The following WDR45B variants were observed in gnomAD, a reference collection of about 807,000 sequenced individuals.
WDR45B encodes the protein WD repeat domain phosphoinositide-interacting protein 3.
A neutral mutation model predicts 44.6 loss-of-function variants in WDR45B; 20 were observed. That is an observed-to-expected ratio of 0.45 (90% confidence interval 0.32 to 0.65). The LOEUF is 0.65. Among genes scored for constraint, WDR45B ranks in the 30% least tolerant of loss-of-function variants. WDR45B has a pLI of 0.05. For missense variants in WDR45B, 323 were observed against 430.2 expected (o/e 0.75, Z 2.20); for synonymous variants, 169 against 164.9 (o/e 1.02, Z -0.19).
chr17:82,630,590 G>T (rs2045754468), intron 3 of WDR45B, among the ~76,000 whole-genome samples: 1 of 152,080 alleles, frequency 6.6e-6, no homozygotes, highest in Non-Finnish European at 1.5e-5. Flanking sequence ...TTAAGTCAAT[G>T]GCTCTCTGTA....
At chr17:82,629,700 A>G (rs2045743403) in intron 3 of WDR45B, 3 of 985,340 alleles carry the variant, frequency 3.0e-6, no homozygotes, top group Non-Finnish European at 3.6e-6. Flanking sequence ...TCTTCCGCAC[A>G]TTCACGTTCA....
chr17:82,631,319 T>C (rs951735489), intron 2 of WDR45B, among the ~76,000 whole-genome samples: 30 of 140,730 alleles, frequency 2.1e-4, no homozygotes, highest in Non-Finnish European at 4.2e-4. Context: ...AGTCTTGCTC[T>C]GTCACCCAGG....
At chr17:82,631,705 T>C (rs1365248351) in intron 2 of WDR45B, among the ~76,000 whole-genome samples, 1 of 151,246 alleles carries the variant, frequency 6.6e-6, no homozygotes, top group African/African-American at 2.4e-5. Flanking sequence ...TGTCATCATG[T>C]TCACTGTTTC....
Position 82,634,977 on chromosome 17 carries a change from T to C in WDR45B, c.143-3955A>G, listed in dbSNP as rs922238588. 8.6e-5 allele frequency among the ~76,000 whole-genome samples: 13 copies of C among 151,946 alleles called. 1 individual carries two copies. The highest frequency in any genetic ancestry group is 3.2e-4 in the African/African-American group (13 of 41,232). On this transcript the variant is annotated intron_variant, in intron 2 of 9. Transcript: ENST00000392325. ...ACGGGAAGTCCCTACAGCAGTCAAG[T>C]TCATGGAGACAGAAAAGTAGCACGG...
chr17:82,614,978 G>C lies in WDR45B; in HGVS notation c.*941C>G, dbSNP rs2143227191. On this transcript the variant is annotated 3_prime_UTR_variant, in exon 10 of 10. Coordinates refer to ENST00000392325, the MANE Select transcript of WDR45B (RefSeq NM_019613.4). ...GGGAGGGGAGACGGTGGACCTGGGG[G>C]CTCGGAGGCCAGACCAGGGCATTTC... 1 of 152,264 alleles carries C rather than the reference G, an allele frequency of 6.6e-6. No homozygotes were observed. Among genetic ancestry groups the C allele is most frequent in the East Asian group, 1.9e-4 (1 of 5,186 alleles). The allele number at this position is 152,264 out of a possible 1,614,324, so 9.4% of individuals were successfully genotyped here.
intron 1 of WDR45B, among the ~76,000 whole-genome samples, chr17:82,645,464 T>C (rs1280119951): frequency 6.6e-6 from 1 of 151,404 alleles, no homozygotes; most frequent in Admixed American, 6.6e-5. Context: ...AAAATGCAAA[T>C]AAACAACAGA....
intron 1 of WDR45B, among the ~76,000 whole-genome samples, chr17:82,646,666 G>A (rs531153495): frequency 3.6e-4 from 55 of 152,216 alleles, no homozygotes; most frequent in Non-Finnish European, 6.5e-4. Context: ...GTTAGTGACA[G>A]GTGTGTAGTT....
Position 82,617,616 on chromosome 17 carries a change from A to ATTTT in WDR45B, c.705-220_705-219insAAAA, listed in dbSNP as rs2045555558. 22 of 580,620 alleles carry ATTTT rather than the reference A, an allele frequency of 3.8e-5. No homozygotes were observed. The South Asian group carries it at 4.0e-4, about 11-fold the overall frequency. The allele number at this position is 580,620 out of a possible 1,614,324, so 36.0% of individuals were successfully genotyped here. On this transcript the variant is annotated intron_variant, in intron 7 of 9. Coordinates refer to ENST00000392325, the MANE Select transcript of WDR45B (RefSeq NM_019613.4). Reference sequence around the variant, plus strand: ...AGCCACAATCCAGTGTATCACGGCAAGTTTTCCTTGGGTGCCCCACAAATG... The same window carrying ATTTT: ...AGCCACAATCCAGTGTATCACGGCAATTTTGTTTTCCTTGGGTGCCCCACAAATG...
chr17:82,648,433 G>A lies in WDR45B; in HGVS notation c.-93C>T. ...CCTTCGGGCCGGCGCTGAGGCCGCC[G>A]CGGCCGGAAGTGCCGGACGTACGTG... On this transcript the variant is annotated 5_prime_UTR_variant, in exon 1 of 10. Coordinates refer to ENST00000392325, the MANE Select transcript of WDR45B (RefSeq NM_019613.4). The A allele has an allele frequency of 1.4e-6, 2 of 1,475,460 alleles. No individual in the cohort carries two copies. The allele number at this position is 1,475,460 out of a possible 1,614,324, so 91.4% of individuals were successfully genotyped here.
At chr17:82,619,281 AGC>A (rs2143252414) in intron 6 of WDR45B, among the ~76,000 whole-genome samples, 153 bp from the exon 7 acceptor site, 1 of 152,308 alleles carries the variant, frequency 6.6e-6, no homozygotes, top group South Asian at 2.1e-4. Context: ...TCCAACTGCC[AGC>A]ACACAGTTGT....
At chr17:82,630,897 T>G in intron 3 of WDR45B, 24 bp downstream of exon 3, 1 of 1,604,154 alleles carries the variant, frequency 6.2e-7, no homozygotes, top group Non-Finnish European at 8.5e-7. Flanking sequence ...TGAGGCATGA[T>G]TCTTCAATAC....
At chr17:82,630,736 T>C (rs1335551046) in intron 3 of WDR45B, among the ~76,000 whole-genome samples, 185 bp downstream of exon 3, 1 of 152,234 alleles carries the variant, frequency 6.6e-6, no homozygotes, top group Non-Finnish European at 1.5e-5. Context: ...AGTGATGCTC[T>C]TTAGGTGCTC....
At position 82,627,436 on chromosome 17, in the gene WDR45B, C is replaced by T. The variant is rs1598267229; in HGVS notation, c.245-145G>A. On this transcript the variant is annotated intron_variant, in intron 3 of 9. Transcript: ENST00000392325. ...CTCAGGCCTCAGACACACACCCGCA[C>T]CTGGGAGGCCTTGGGGTGTAACTCA... 3 of 719,472 alleles carry T rather than the reference C, an allele frequency of 4.2e-6. No individual in the cohort carries two copies. In the African/African-American group the frequency reaches 5.2e-5, roughly 13 times the overall value. The allele number at this position is 719,472 out of a possible 1,614,324, so 44.6% of individuals were successfully genotyped here. A position where few individuals can be genotyped will look rare whatever the true frequency, so the allele number is the denominator to read the frequency against.
chr17:82,640,651 A>G (rs2045902341), intron 2 of WDR45B, among the ~76,000 whole-genome samples: 1 of 152,046 alleles, frequency 6.6e-6, no homozygotes, highest in South Asian at 2.1e-4. Context: ...TCATTGTTAA[A>G]CTGTAAGCTG....
chr17:82,623,117 C>A (rs1169506643), intron 5 of WDR45B, among the ~76,000 whole-genome samples: 2 of 152,202 alleles, frequency 1.3e-5, no homozygotes, highest in African/African-American at 4.8e-5. Flanking sequence ...TACGGCCGGG[C>A]ACAGTGGCTC....
chr17:82,641,122 C>A (rs1033209362), intron 2 of WDR45B, among the ~76,000 whole-genome samples: 2 of 151,938 alleles, frequency 1.3e-5, no homozygotes, highest in Admixed American at 1.3e-4. Flanking sequence ...TGCGCCACCA[C>A]GCCTGGCTAA....
chr17:82,634,626 C>T (rs1387327595), intron 2 of WDR45B, among the ~76,000 whole-genome samples: 1 of 152,018 alleles, frequency 6.6e-6, no homozygotes, highest in African/African-American at 2.4e-5. Context: ...TTCACAATAG[C>T]AAAGATGCAG....
chr17:82,627,430 C>T lies in WDR45B; in HGVS notation c.245-139G>A, dbSNP rs1021010453. 6 of 744,206 alleles carry T rather than the reference C, an allele frequency of 8.1e-6. No individual in the cohort carries two copies. In the African/African-American group the frequency reaches 1.0e-4, roughly 13 times the overall value. The allele number at this position is 744,206 out of a possible 1,614,324, so 46.1% of individuals were successfully genotyped here. A position where few individuals can be genotyped will look rare whatever the true frequency, so the allele number is the denominator to read the frequency against. ...CCCACCCTCAGGCCTCAGACACACACCCGCACCTGGGAGGCCTTGGGGTGT... is the reference window on the plus strand; with the variant it reads ...CCCACCCTCAGGCCTCAGACACACATCCGCACCTGGGAGGCCTTGGGGTGT... On this transcript the variant is annotated intron_variant, in intron 3 of 9. Coordinates refer to ENST00000392325, the MANE Select transcript of WDR45B (RefSeq NM_019613.4).
At chr17:82,643,123 A>G (rs1299397509) in intron 2 of WDR45B, among the ~76,000 whole-genome samples, 1 of 152,060 alleles carries the variant, frequency 6.6e-6, no homozygotes, top group African/African-American at 2.4e-5. Context: ...ATTGTTATCA[A>G]CCTTATTTCA....
Sources: gnomAD v4.1 joint callset for allele counts (sites outside exome capture counted in the v4.1 genomes callset) on GRCh38, gnomAD v4.1.1 for gene constraint, MANE v1.5 for transcripts, NCBI Gene and HGNC (gene_info 2026-07-23, HGNC 2026-07-21) for gene names.